The following HSPA4 variants were observed in gnomAD, a reference collection of about 807,000 sequenced individuals.
HSPA4 encodes the protein heat shock 70 kDa protein 4.
In HSPA4, 25 loss-of-function variants were observed where a neutral mutation model predicts 106.2. The ratio of observed to expected loss-of-function variants is 0.24; its 90% CI spans 0.17 to 0.33. The LOEUF (loss-of-function observed/expected upper bound fraction) is 0.33. Ranked by LOEUF, HSPA4 falls within the 10% of genes least tolerant of loss-of-function variation. The pLI, the probability that HSPA4 is intolerant of heterozygous loss-of-function variation, is 1.00. For missense variants in HSPA4, 841 were observed against 996.0 expected (o/e 0.84, Z 2.10); for synonymous variants, 332 against 333.6 (o/e 1.00, Z 0.05).
intron 11 of HSPA4, 145 bp from the exon 12 acceptor site, chr5:133,091,048 C>G (rs1001789057): frequency 5.3e-6 from 4 of 760,114 alleles, no homozygotes; most frequent in Non-Finnish European, 9.6e-6. Context: ...TAATAAGATT[C>G]TAAAAGGACC....
intron 1 of HSPA4, among the ~76,000 whole-genome samples, chr5:133,060,867 T>C (rs1466428094): frequency 2.2e-5 from 3 of 135,148 alleles, no homozygotes; most frequent in African/African-American, 8.9e-5. Flanking sequence ...TCACTCAGGG[T>C]GGAGTGTAGT....
At chr5:133,084,633 G>A (rs1017387038) in intron 7 of HSPA4, among the ~76,000 whole-genome samples, 1 of 151,936 alleles carries the variant, frequency 6.6e-6, no homozygotes, top group African/African-American at 2.4e-5. Flanking sequence ...ACCACGCCTG[G>A]CTAATTTTGT....
At chr5:133,052,392 G>A (rs1220140865) in intron 1 of HSPA4, 35 bp downstream of exon 1, 1 of 1,331,708 alleles carries the variant, frequency 7.5e-7, no homozygotes, top group East Asian at 2.6e-5. Context: ...GTGCACTGGG[G>A]TTAGGAGATA....
Position 133,101,840 on chromosome 5 carries a change from CAA to C in HSPA4, c.2120_2121del (p.Gln707ProfsTer17). 6.3e-7 allele frequency: 1 copy of C among 1,595,162 alleles called. No individual in the cohort carries two copies. The highest frequency in any genetic ancestry group is 8.6e-7 in the Non-Finnish European group (1 of 1,166,216). On this transcript the variant is annotated frameshift_variant, in exon 17 of 19. Coordinates refer to ENST00000304858, the MANE Select transcript of HSPA4 (RefSeq NM_002154.4). LOFTEE classifies it high-confidence loss of function. ...ATTTGAAGAACTAGGGAAACAGATC[CAA>C]CAGTATATGAAAATAATCAGCTCTT... is the stretch of plus-strand genomic sequence containing the variant. Reference protein sequence around the residue: ...KLFEELGKQIQQYMKIISSFK... With the variant: ...KLFEELGKQIXQYMKIISSFK...
At chr5:133,056,374 CG>C (rs1346363515) in intron 1 of HSPA4, among the ~76,000 whole-genome samples, 3 of 152,116 alleles carry the variant, frequency 2.0e-5, no homozygotes, top group African/African-American at 7.2e-5. Flanking sequence ...TTTTTTGACA[CG>C]GAGTCTGGCT....
chr5:133,087,469 T>A (rs1030471932), intron 8 of HSPA4, among the ~76,000 whole-genome samples: 1 of 152,216 alleles, frequency 6.6e-6, no homozygotes, highest in Admixed American at 6.5e-5. Context: ...CCCATTTCTT[T>A]AAATAGCCCT....
chr5:133,090,631 G>C (rs925584867), intron 11 of HSPA4, among the ~76,000 whole-genome samples: 6 of 152,048 alleles, frequency 3.9e-5, no homozygotes, highest in African/African-American at 1.4e-4. Flanking sequence ...TATGGGTAAA[G>C]AAATTAGGAG....
chr5:133,090,878 T>G (rs1765639131), intron 11 of HSPA4, among the ~76,000 whole-genome samples: 2 of 152,064 alleles, frequency 1.3e-5, no homozygotes, highest in African/African-American at 4.8e-5. Flanking sequence ...GTAGAGAATG[T>G]GACAAATCTG....
At chr5:133,100,210 C>T (rs1334698038) in intron 16 of HSPA4, among the ~76,000 whole-genome samples, 5 of 151,456 alleles carry the variant, frequency 3.3e-5, no homozygotes, top group East Asian at 2.0e-4. Flanking sequence ...ATTACAGGCG[C>T]GTGCCACCAT....
chr5:133,106,102 A>ATTTTTTTTTTTT lies in HSPA4; in HGVS notation c.*1693_*1704dup, dbSNP rs70974072. 13 of 57,160 alleles carry ATTTTTTTTTTTT rather than the reference A, an allele frequency of 2.3e-4. 2 individuals are homozygous for ATTTTTTTTTTTT. The highest frequency in any genetic ancestry group is 2.5e-4 in the Non-Finnish European group (8 of 32,402). 3.5% of individuals were successfully genotyped at this position (57,160 alleles called of 1,614,324 possible). On this transcript the variant is annotated 3_prime_UTR_variant, in exon 19 of 19. Coordinates refer to ENST00000304858, the MANE Select transcript of HSPA4 (RefSeq NM_002154.4). Reference sequence around the variant, plus strand: ...GCCATTTCTTCTTAAAAAAAAAAAAATTTTTTTTTTTTTTTTTTTTTTTTT... The same window carrying ATTTTTTTTTTTT: ...GCCATTTCTTCTTAAAAAAAAAAAAATTTTTTTTTTTTTTTTTTTTTTTTTTTTTTTTTTTTT...
chr5:133,077,710 G>A (rs948838008), intron 7 of HSPA4, among the ~76,000 whole-genome samples: 3 of 152,106 alleles, frequency 2.0e-5, no homozygotes, highest in African/African-American at 7.2e-5. Flanking sequence ...TGTTCTTTTG[G>A]CTGTGAACTC....
chr5:133,067,261 A>G (rs10061432), intron 2 of HSPA4, among the ~76,000 whole-genome samples, 156 bp from the exon 3 acceptor site: 2,822 of 152,192 alleles, frequency 0.019, 100 homozygotes, highest in African/African-American at 0.065. Flanking sequence ...TTCGCATGCT[A>G]GTGGGCACCA....
rs971835924 is a variant in HSPA4, at chr5:133,052,062, C to G, written c.-189C>G. 5.6e-6 allele frequency: 3 copies of G among 537,426 alleles called. No individual in the cohort carries two copies. Among genetic ancestry groups the G allele is most frequent in the African/African-American group, 4.0e-5 (2 of 49,798 alleles). The allele number at this position is 537,426 out of a possible 1,614,324, so 33.3% of individuals were successfully genotyped here. ...GGCGCCTCCTCTGCGGCCACTGAGC[C>G]GGAGCCGGCCTGAGCAGCGCTCTCG... On this transcript the variant is annotated 5_prime_UTR_variant, in exon 1 of 19. Transcript: ENST00000304858.
chr5:133,100,497 C>T (rs1027713895), intron 16 of HSPA4, among the ~76,000 whole-genome samples: 3 of 151,920 alleles, frequency 2.0e-5, no homozygotes, highest in African/African-American at 7.3e-5. Context: ...CCCGGGTTCA[C>T]GCCATTCTCC....
intron 17 of HSPA4, among the ~76,000 whole-genome samples, chr5:133,103,355 C>G (rs1765813454): frequency 6.6e-6 from 1 of 151,546 alleles, no homozygotes; most frequent in African/African-American, 2.4e-5. Context: ...CCACGCCTAG[C>G]CCGAAAGGCC....
At chr5:133,101,930 T>C (rs1467834149) in intron 17 of HSPA4, 52 bp downstream of exon 17, 1 of 1,354,854 alleles carries the variant, frequency 7.4e-7, no homozygotes, top group East Asian at 2.6e-5. Flanking sequence ...ACTTTTTTTT[T>C]TTTTTTTTTT....
chr5:133,068,275 G>A (rs1031322039), intron 3 of HSPA4, among the ~76,000 whole-genome samples: 1 of 152,120 alleles, frequency 6.6e-6, no homozygotes, highest in African/African-American at 2.4e-5. Flanking sequence ...GTTCTTTTGG[G>A]GAAAAGTGAG....
At chr5:133,084,496 G>T (rs1398322495) in intron 7 of HSPA4, among the ~76,000 whole-genome samples, 1 of 152,034 alleles carries the variant, frequency 6.6e-6, no homozygotes, top group African/African-American at 2.4e-5. Context: ...TTGAGATGGA[G>T]TTTCACTCTT....
At chr5:133,095,372 A>T (rs1765698191) in intron 13 of HSPA4, among the ~76,000 whole-genome samples, 2 of 152,200 alleles carry the variant, frequency 1.3e-5, no homozygotes, top group Non-Finnish European at 1.5e-5. Flanking sequence ...ATCCTAAGAG[A>T]AGAGTGGATA....
Sources: allele counts gnomAD v4.1 joint callset (sites outside exome capture counted in the v4.1 genomes callset), GRCh38; gene constraint gnomAD v4.1.1; transcripts MANE v1.5; gene names NCBI Gene and HGNC (gene_info 2026-07-23, HGNC 2026-07-21).